FAM135B: variants seen among roughly 807,000 people sequenced by gnomAD.
FAM135B encodes the protein family with sequence similarity 135 member B.
In FAM135B, 43 loss-of-function variants were observed where a neutral mutation model predicts 127.7. That is an observed-to-expected ratio of 0.34 (90% confidence interval 0.26 to 0.43). The LOEUF (loss-of-function observed/expected upper bound fraction) is 0.43. Among genes scored for constraint, FAM135B ranks in the 20% least tolerant of loss-of-function variants. FAM135B has a pLI of 1.00. For missense variants in FAM135B, 1,558 were observed against 1,725.6 expected (o/e 0.90, Z 1.72); for synonymous variants, 670 against 665.1 (o/e 1.01, Z -0.11).
intron 1 of FAM135B, among the ~76,000 whole-genome samples, chr8:138,381,804 C>T (rs1831873408): frequency 6.6e-6 from 1 of 152,156 alleles, no homozygotes; most frequent in African/African-American, 2.4e-5. Flanking sequence ...CATATGTCCA[C>T]TGAGGAGAGG....
chr8:138,132,209 T>C lies in FAM135B; in HGVS notation c.*384A>G. 1 of 210,932 alleles carries C rather than the reference T, an allele frequency of 4.7e-6. No homozygotes were observed. The highest frequency in any genetic ancestry group is 9.6e-6 in the Non-Finnish European group (1 of 103,808). 13.1% of individuals were successfully genotyped at this position (210,932 alleles called of 1,614,324 possible). ...ATGCTTGTGTGCACTTAATCAGAAA[T>C]GATAAAGCTATAAGCTAGTAACATA... On this transcript the variant is annotated 3_prime_UTR_variant, in exon 20 of 20. Transcript: ENST00000395297. The surrounding 1 kb of genome is among the most constrained non-coding windows in gnomAD (Gnocchi z 4.5).
intron 1 of FAM135B, among the ~76,000 whole-genome samples, chr8:138,485,553 A>C (rs1183393695): frequency 6.6e-6 from 1 of 152,236 alleles, no homozygotes; most frequent in Non-Finnish European, 1.5e-5. Flanking sequence ...TTTTATTAAA[A>C]ATTCCTCATA....
intron 2 of FAM135B, among the ~76,000 whole-genome samples, chr8:138,335,237 G>C (rs948692300): frequency 3.3e-5 from 5 of 152,116 alleles, no homozygotes; most frequent in African/African-American, 4.8e-5. Flanking sequence ...GAACTCGAGG[G>C]ATTTTCAGAG....
chr8:138,414,524 T>C (rs1412473898), intron 1 of FAM135B, among the ~76,000 whole-genome samples: 1 of 152,194 alleles, frequency 6.6e-6, no homozygotes, highest in Non-Finnish European at 1.5e-5. Flanking sequence ...AGTTTATCCT[T>C]AATTTTAAGT....
chr8:138,344,817 T>G (rs1003401210), intron 2 of FAM135B, among the ~76,000 whole-genome samples: 2 of 152,122 alleles, frequency 1.3e-5, no homozygotes, highest in Non-Finnish European at 2.9e-5. Context: ...CCTCGTGATC[T>G]GCCTGCCTCG....
At chr8:138,144,553 G>A (rs770575467) in intron 15 of FAM135B, among the ~76,000 whole-genome samples, 1 of 152,104 alleles carries the variant, frequency 6.6e-6, no homozygotes, top group African/African-American at 2.4e-5. Flanking sequence ...TATGAGGCCT[G>A]AGTTGACCAT....
At chr8:138,305,833 T>A (rs1160929556) in intron 3 of FAM135B, among the ~76,000 whole-genome samples, 1 of 152,262 alleles carries the variant, frequency 6.6e-6, no homozygotes, top group East Asian at 1.9e-4. Context: ...CAATTATACA[T>A]ACACACATAT....
chr8:138,337,410 T>A (rs1303700252), intron 2 of FAM135B, among the ~76,000 whole-genome samples: 2 of 152,024 alleles, frequency 1.3e-5, no homozygotes, highest in African/African-American at 2.4e-5. Flanking sequence ...TTCAGCAAAG[T>A]CTCAGGATAC....
intron 2 of FAM135B, among the ~76,000 whole-genome samples, chr8:138,354,508 T>C (rs2131139200): frequency 6.6e-6 from 1 of 152,250 alleles, no homozygotes; most frequent in Admixed American, 6.5e-5. Flanking sequence ...GGGTGGGCGT[T>C]TTGGGAGTTC....
In FAM135B at chr8:138,225,455, C is replaced by CAA. The variant is rs67074047; in HGVS notation, c.669+17485_669+17486dup. Among the ~76,000 whole-genome samples the CAA allele has an allele frequency of 1.1e-3, 146 of 137,014 alleles. 1 individual carries two copies. The highest frequency in any genetic ancestry group is 3.4e-3 in the African/African-American group (127 of 37,776). 89.9% of individuals were successfully genotyped at this position (137,014 alleles called of 152,430 possible). On this transcript the variant is annotated intron_variant, in intron 7 of 19. Coordinates refer to ENST00000395297, the MANE Select transcript of FAM135B (RefSeq NM_015912.4). ...ATGTCTGCTATTTAAGCCAAAAAAACAAAAAAAAAACAAAAAAACAAAAAA... is the reference window on the plus strand; with the variant it reads ...ATGTCTGCTATTTAAGCCAAAAAAACAAAAAAAAAAAACAAAAAAACAAAAAA...
At chr8:138,370,304 T>A (rs931210454) in intron 1 of FAM135B, among the ~76,000 whole-genome samples, 1 of 152,146 alleles carries the variant, frequency 6.6e-6, no homozygotes. Flanking sequence ...ATGAATGGGA[T>A]AGAGTTTTGG....
intron 12 of FAM135B, among the ~76,000 whole-genome samples, chr8:138,165,936 A>G (rs1276834743): frequency 6.6e-6 from 1 of 152,178 alleles, no homozygotes; most frequent in Non-Finnish European, 1.5e-5. Context: ...AGTCACTTGG[A>G]TTTTTAAAAT....
intron 7 of FAM135B, among the ~76,000 whole-genome samples, chr8:138,199,771 T>G (rs1160288232): frequency 6.6e-6 from 1 of 152,056 alleles, no homozygotes; most frequent in Admixed American, 6.5e-5. Flanking sequence ...TTCCAAACAC[T>G]TCTAAAACCA....
At chr8:138,493,038 C>T (rs552984883) in intron 1 of FAM135B, among the ~76,000 whole-genome samples, 3 of 152,210 alleles carry the variant, frequency 2.0e-5, no homozygotes, top group East Asian at 1.9e-4. Context: ...CCATCCACAC[C>T]GGAGGTGGAG....
chr8:138,396,568 G>A (rs539050880), intron 1 of FAM135B, among the ~76,000 whole-genome samples: 55 of 152,224 alleles, frequency 3.6e-4, no homozygotes, highest in African/African-American at 1.2e-3. Flanking sequence ...GTTATTGATC[G>A]AAATTTTACA....
At chr8:138,167,264 C>G (rs554875584) in intron 12 of FAM135B, among the ~76,000 whole-genome samples, 1 of 152,132 alleles carries the variant, frequency 6.6e-6, no homozygotes, top group Non-Finnish European at 1.5e-5. Context: ...GGCGAGATCT[C>G]GGTTCACTGC....
intron 7 of FAM135B, among the ~76,000 whole-genome samples, chr8:138,228,313 G>A (rs769557236): frequency 7.9e-5 from 12 of 151,966 alleles, no homozygotes; most frequent in Non-Finnish European, 1.5e-4. Flanking sequence ...TTTAGGTGTA[G>A]GGCTGAGGTT....
intron 1 of FAM135B, among the ~76,000 whole-genome samples, chr8:138,387,425 G>GCTTCTTT (rs1257837139): frequency 6.6e-6 from 1 of 152,122 alleles, no homozygotes; most frequent in African/African-American, 2.4e-5. Context: ...AGAAGCAAAT[G>GCTTCTTT]CAGTTCAGAT....
chr8:138,363,308 A>T (rs2131189622), intron 2 of FAM135B, among the ~76,000 whole-genome samples: 1 of 152,278 alleles, frequency 6.6e-6, no homozygotes, highest in African/African-American at 2.4e-5. Context: ...TATATTAATT[A>T]ATGCCGTAAA....
Sources: allele counts gnomAD v4.1 joint callset (sites outside exome capture counted in the v4.1 genomes callset), GRCh38; gene constraint gnomAD v4.1.1; non-coding constraint Gnocchi (gnomAD v3.1); transcripts MANE v1.5; gene names NCBI Gene and HGNC (gene_info 2026-07-23, HGNC 2026-07-21).